DDX42: variants seen among roughly 807,000 people sequenced by gnomAD.
The protein encoded by DDX42 is ATP-dependent RNA helicase DDX42.
A neutral mutation model predicts 101.5 loss-of-function variants in DDX42; 22 were observed. That is an observed-to-expected ratio of 0.22 (90% confidence interval 0.15 to 0.31). The LOEUF is 0.31. Ranked by LOEUF, DDX42 falls within the 10% of genes least tolerant of loss-of-function variation. DDX42 has a pLI of 1.00. For missense variants in DDX42, 849 were observed against 1,199.9 expected (o/e 0.71, Z 4.32); for synonymous variants, 402 against 401.2 (o/e 1.00, Z -0.02).
At chr17:63,777,397 G>A (rs975951116) in intron 1 of DDX42, among the ~76,000 whole-genome samples, 4 of 151,926 alleles carry the variant, frequency 2.6e-5, no homozygotes, top group Non-Finnish European at 5.9e-5. Flanking sequence ...CCTATAATAC[G>A]GAGTTGGACT....
intron 1 of DDX42, among the ~76,000 whole-genome samples, chr17:63,784,516 A>C (rs932844708): frequency 6.6e-6 from 1 of 152,202 alleles, no homozygotes; most frequent in Non-Finnish European, 1.5e-5. Flanking sequence ...GGTGTGAGTC[A>C]TGTCTGTTAA....
chr17:63,810,149 G>C (rs946711679), intron 11 of DDX42: 3 of 208,814 alleles, frequency 1.4e-5, no homozygotes, highest in African/African-American at 2.3e-5. Context: ...GCAGTGCAGC[G>C]GTGCGATCTC....
chr17:63,815,504 T>C (rs2039966168), intron 15 of DDX42, 59 bp from the exon 16 acceptor site: 17 of 1,321,084 alleles, frequency 1.3e-5, no homozygotes, highest in Middle Eastern at 1.9e-4. Context: ...TTGTCCTCGT[T>C]CTCTTCTTCT....
At chr17:63,795,368 T>C (rs2039680720) in intron 3 of DDX42, among the ~76,000 whole-genome samples, 1 of 152,254 alleles carries the variant, frequency 6.6e-6, no homozygotes, top group Admixed American at 6.5e-5. Flanking sequence ...TTTTTTCTTT[T>C]GAGACAGGAT....
At chr17:63,801,066 C>T (rs1367053545) in intron 6 of DDX42, among the ~76,000 whole-genome samples, 7 of 139,612 alleles carry the variant, frequency 5.0e-5, no homozygotes, top group African/African-American at 1.6e-4. Flanking sequence ...TCTTCTTTTT[C>T]TCTCTCTCTC....
At chr17:63,817,368 G>T (rs2727290) in intron 17 of DDX42, 202,132 of 309,398 alleles carry the variant, frequency 0.65, 68,337 homozygotes, top group African/African-American at 0.9. Context: ...AACTTAAATT[G>T]CAGTATGAAA....
At chr17:63,794,963 C>G (rs1297059965) in intron 3 of DDX42, among the ~76,000 whole-genome samples, 1 of 150,456 alleles carries the variant, frequency 6.6e-6, no homozygotes, top group Non-Finnish European at 1.5e-5. Flanking sequence ...GAAAAATTGT[C>G]ACTTAATTAG....
chr17:63,790,240 T>G (rs1190549744), intron 2 of DDX42, among the ~76,000 whole-genome samples: 1 of 152,228 alleles, frequency 6.6e-6, no homozygotes, highest in African/African-American at 2.4e-5. Context: ...TGCATATATA[T>G]TGCATCGTAT....
At chr17:63,780,633 A>G (rs1299030462) in intron 1 of DDX42, among the ~76,000 whole-genome samples, 1 of 152,158 alleles carries the variant, frequency 6.6e-6, no homozygotes, top group East Asian at 1.9e-4. Context: ...TCAGTAATTG[A>G]GGGACAATGA....
At chr17:63,785,536 AG>A (rs34435849) in intron 1 of DDX42, among the ~76,000 whole-genome samples, 103,690 of 148,928 alleles carry the variant, frequency 0.7, 37,108 homozygotes, top group African/African-American at 0.89. Context: ...CAGATGTGAG[AG>A]GGGGGGGTCT....
At chr17:63,810,798 C>T (rs186948646) in intron 12 of DDX42, among the ~76,000 whole-genome samples, 3 of 152,302 alleles carry the variant, frequency 2.0e-5, no homozygotes, top group African/African-American at 7.2e-5. Flanking sequence ...CTAAATTATA[C>T]AGTTTTATCA....
intron 3 of DDX42, among the ~76,000 whole-genome samples, chr17:63,792,982 C>A (rs2039647400): frequency 6.6e-6 from 1 of 152,126 alleles, no homozygotes; most frequent in Admixed American, 6.5e-5. Flanking sequence ...TTCATGACCT[C>A]CCTGTAGAAA....
intron 1 of DDX42, chr17:63,774,883 T>C (rs2039399422): frequency 6.6e-6 from 1 of 152,238 alleles, no homozygotes; most frequent in East Asian, 1.9e-4. Context: ...TGCGGCCTAC[T>C]TGAGAGCGTA....
At chr17:63,798,604 C>T (rs1665259570) in intron 4 of DDX42, among the ~76,000 whole-genome samples, 1 of 152,054 alleles carries the variant, frequency 6.6e-6, no homozygotes, top group African/African-American at 2.4e-5. Flanking sequence ...GTATAAAAAC[C>T]TGTGTATAAG....
chr17:63,804,328 G>A (rs2039811868), intron 6 of DDX42, among the ~76,000 whole-genome samples: 1 of 152,062 alleles, frequency 6.6e-6, no homozygotes, highest in African/African-American at 2.4e-5. Flanking sequence ...TTGATAGGTG[G>A]TGATGTGCTT....
At chr17:63,789,555 TTTTG>T (rs1567732991) in intron 2 of DDX42, among the ~76,000 whole-genome samples, 3 of 25,762 alleles carry the variant, frequency 1.2e-4, no homozygotes, top group East Asian at 8.6e-4. Flanking sequence ...ACTTTTTTGT[TTTTG>T]TTTTTGTTTT....
At chr17:63,792,623 G>T in intron 3 of DDX42, 61 bp downstream of exon 3, 1 of 1,491,452 alleles carries the variant, frequency 6.7e-7, no homozygotes. Flanking sequence ...AGTTAACTTA[G>T]TACTTCAAAT....
rs759744185 is a variant in DDX42 at position 63,813,319 on chromosome 17, A to G, written c.1767A>G (p.Thr589=). ...IDTHTHRIGR[T]GRAGEKGVAY... ...CCCACACGCATAGGATTGGCCGCAC[A>G]GGAAGAGCGGGTGAGAAAGGTGTGG... Residue 589 remains threonine, a synonymous_variant, in exon 15 of 18, where the codon ACA becomes ACG. Coordinates refer to ENST00000389924, the MANE Select transcript of DDX42 (RefSeq NM_203499.3). 5 of 1,614,248 alleles carry G rather than the reference A, an allele frequency of 3.1e-6. No individual in the cohort carries two copies. The highest frequency in any genetic ancestry group is 2.5e-6 in the Non-Finnish European group (3 of 1,180,034).
intron 3 of DDX42, among the ~76,000 whole-genome samples, chr17:63,795,293 T>C (rs1330704083): frequency 6.6e-6 from 1 of 152,222 alleles, no homozygotes; most frequent in Non-Finnish European, 1.5e-5. Context: ...CATCAATCCC[T>C]GTTTTCTTCT....
Sources: gnomAD v4.1 joint callset for allele counts (sites outside exome capture counted in the v4.1 genomes callset) on GRCh38, gnomAD v4.1.1 for gene constraint, MANE v1.5 for transcripts, NCBI Gene and HGNC (gene_info 2026-07-23, HGNC 2026-07-21) for gene names.